Variants in SPATA16 observed in about 807,000 individuals in gnomAD.
SPATA16 encodes the protein spermatogenesis associated 16, also known as spermatogenesis-associated protein 16.
In SPATA16, 36 loss-of-function variants were observed where a neutral mutation model predicts 63.3. The ratio of observed to expected loss-of-function variants is 0.57; its 90% CI spans 0.44 to 0.75. The LOEUF is 0.75. Ranked by LOEUF, SPATA16 falls within the 30% of genes least tolerant of loss-of-function variation. The pLI, the probability that SPATA16 is intolerant of heterozygous loss-of-function variation, is 0.00. For missense variants in SPATA16, 646 were observed against 679.3 expected, an observed-to-expected ratio of 0.95 and a Z score of 0.54; for synonymous variants, 203 against 216.7, an observed-to-expected ratio of 0.94 and a Z score of 0.56.
rs79043974 is a variant in SPATA16 at position 173,041,688 on chromosome 3, C to T, written c.758+7261G>A. 2.8e-4 allele frequency among the ~76,000 whole-genome samples: 43 copies of T among 152,060 alleles called. No individual in the cohort carries two copies. The East Asian group carries it at 6.6e-3, about 23-fold the overall frequency. On this transcript the variant is annotated intron_variant, in intron 3 of 10. Coordinates refer to ENST00000351008, the MANE Select transcript of SPATA16 (RefSeq NM_031955.6). ...GTATTGTAGTTTTGTTTAAGTTCAT[C>T]CGAGATCATGACAATTATTTTATCT... is the stretch of plus-strand genomic sequence containing the variant.
intron 5 of SPATA16, among the ~76,000 whole-genome samples, chr3:172,966,318 T>C (rs1733919507): frequency 6.6e-6 from 1 of 152,228 alleles, no homozygotes; most frequent in South Asian, 2.1e-4. Context: ...CTCCACCTGA[T>C]GAAGAATAAA....
At chr3:173,057,322 C>T (rs1736260244) in intron 2 of SPATA16, among the ~76,000 whole-genome samples, 1 of 152,014 alleles carries the variant, frequency 6.6e-6, no homozygotes, top group South Asian at 2.1e-4. Flanking sequence ...ACCGTGTTAG[C>T]CAGGATGGTC....
At chr3:173,010,153 T>C (rs923554543) in intron 4 of SPATA16, among the ~76,000 whole-genome samples, 1 of 152,222 alleles carries the variant, frequency 6.6e-6, no homozygotes, top group Non-Finnish European at 1.5e-5. Flanking sequence ...CAGACCCTAT[T>C]CTTCTGCCTC....
chr3:172,961,489 G>C (rs772326017), intron 5 of SPATA16, among the ~76,000 whole-genome samples: 34 of 152,040 alleles, frequency 2.2e-4, no homozygotes, highest in Admixed American at 1.7e-3. Flanking sequence ...CCCACTCTGG[G>C]GTTCAAGCTA....
chr3:173,016,554 A>AT (rs1281566490), intron 4 of SPATA16, among the ~76,000 whole-genome samples: 1 of 152,146 alleles, frequency 6.6e-6, no homozygotes, highest in Non-Finnish European at 1.5e-5. Context: ...TAATAATGGC[A>AT]TTTTTTTCAT....
chr3:172,990,723 T>C (rs1220975760), intron 4 of SPATA16, among the ~76,000 whole-genome samples: 1 of 152,210 alleles, frequency 6.6e-6, no homozygotes, highest in African/African-American at 2.4e-5. Context: ...TAAAGTGTTA[T>C]GCTCTTGCCA....
At chr3:172,893,764 G>A (rs1560058970) in intron 10 of SPATA16, among the ~76,000 whole-genome samples, 1 of 152,212 alleles carries the variant, frequency 6.6e-6, no homozygotes, top group African/African-American at 2.4e-5. Context: ...TAATGGCCGT[G>A]AGAAGAAGTT....
At position 173,102,660 on chromosome 3, in the gene SPATA16, C is replaced by G. The variant is rs145675311; in HGVS notation, c.612+14460G>C. 3.4e-3 allele frequency among the ~76,000 whole-genome samples: 525 copies of G among 152,308 alleles called. 1 individual carries two copies. Among genetic ancestry groups the G allele is most frequent in the Non-Finnish European group, 6.4e-3 (435 of 68,024 alleles). On this transcript the variant is annotated intron_variant, in intron 2 of 10. Coordinates refer to ENST00000351008, the MANE Select transcript of SPATA16 (RefSeq NM_031955.6). ...AAACACCTCCCCCCAGGCCCCACTT[C>G]CAACTTTAGGGATTACATCTCAACA...
intron 2 of SPATA16, among the ~76,000 whole-genome samples, chr3:173,051,747 C>T (rs991794411): frequency 6.6e-6 from 1 of 152,108 alleles, no homozygotes; most frequent in African/African-American, 2.4e-5. Context: ...TGTATGTGGT[C>T]TTTGCCCCTT....
At chr3:173,067,234 A>C (rs1736542478) in intron 2 of SPATA16, among the ~76,000 whole-genome samples, 1 of 152,212 alleles carries the variant, frequency 6.6e-6, no homozygotes, top group Non-Finnish European at 1.5e-5. Context: ...TGAACAAAGA[A>C]AATGTGATAC....
chr3:172,911,092 T>C (rs963371352), intron 10 of SPATA16, among the ~76,000 whole-genome samples: 2 of 152,252 alleles, frequency 1.3e-5, no homozygotes, highest in Non-Finnish European at 2.9e-5. Context: ...TGCTTCTTCT[T>C]TGCTTCTTGT....
At chr3:173,027,690 C>T (rs1735481610) in intron 3 of SPATA16, among the ~76,000 whole-genome samples, 1 of 151,766 alleles carries the variant, frequency 6.6e-6, no homozygotes, top group African/African-American at 2.4e-5. Flanking sequence ...CTAGTGGTAG[C>T]AGAACTCCTC....
At chr3:172,960,864 A>ACTTTCTTTCTCTCTTTCTTT (rs1733733021) in intron 5 of SPATA16, among the ~76,000 whole-genome samples, 2 of 94,238 alleles carry the variant, frequency 2.1e-5, no homozygotes, top group South Asian at 6.4e-4. Context: ...TATGTAACTT[A>ACTTTCTTTCTCTCTTTCTTT]CTTTCTTTCT....
intron 1 of SPATA16, among the ~76,000 whole-genome samples, chr3:173,133,803 G>T (rs186169799): frequency 6.6e-6 from 1 of 152,172 alleles, no homozygotes; most frequent in East Asian, 1.9e-4. Context: ...AAAAAGGAAA[G>T]AAAAAACTTT....
At chr3:172,901,206 C>T (rs1577082211) in intron 10 of SPATA16, among the ~76,000 whole-genome samples, 1 of 151,352 alleles carries the variant, frequency 6.6e-6, no homozygotes, top group African/African-American at 2.4e-5. Context: ...TCAGATAATT[C>T]TTCTTTTTTT....
chr3:173,120,976 A>G (rs1738051066), intron 1 of SPATA16, among the ~76,000 whole-genome samples: 1 of 152,206 alleles, frequency 6.6e-6, no homozygotes, highest in African/African-American at 2.4e-5. Context: ...TACATAGAGC[A>G]CTCAGAGGGA....
chr3:172,969,551 T>C (rs1365429118), intron 5 of SPATA16, among the ~76,000 whole-genome samples: 1 of 152,190 alleles, frequency 6.6e-6, no homozygotes, highest in Admixed American at 6.5e-5. Context: ...GAATCTAATA[T>C]TTTAAATGCT....
chr3:172,902,345 T>C (rs956129794), intron 10 of SPATA16, among the ~76,000 whole-genome samples: 1 of 152,126 alleles, frequency 6.6e-6, no homozygotes, highest in Non-Finnish European at 1.5e-5. Context: ...CCCAGCCATG[T>C]CTAGGGATTT....
intron 8 of SPATA16, among the ~76,000 whole-genome samples, chr3:172,922,460 G>A (rs1283863686): frequency 6.6e-6 from 1 of 152,122 alleles, no homozygotes; most frequent in East Asian, 1.9e-4. Flanking sequence ...TTTCCAAATG[G>A]CCAGAATACT....
Sources: gnomAD v4.1 joint callset for allele counts (sites outside exome capture counted in the v4.1 genomes callset) on GRCh38, gnomAD v4.1.1 for gene constraint, MANE v1.5 for transcripts, NCBI Gene and HGNC (gene_info 2026-07-23, HGNC 2026-07-21) for gene names.